Variants in BMP1 observed in about 807,000 individuals in gnomAD.
The protein encoded by BMP1 is mammalian tolloid protein.
BMP1 carries 63 observed loss-of-function variants against 116.8 expected under a neutral mutation model. That is an observed-to-expected ratio of 0.54 (90% CI 0.44 to 0.67). The LOEUF (loss-of-function observed/expected upper bound fraction) is 0.67, where lower values mean the gene tolerates loss of function less well. Ranked by LOEUF, BMP1 falls within the 30% of genes least tolerant of loss-of-function variation. BMP1 has a pLI of 0.00. For missense variants in BMP1, 1,183 were observed against 1,358.9 expected (o/e 0.87, Z 2.04); for synonymous variants, 536 against 533.4 (o/e 1.00, Z -0.07).
chr8:22,177,641 T>C (rs566188711), intron 5 of BMP1: 1 of 761,848 alleles, frequency 1.3e-6, no homozygotes, highest in East Asian at 2.4e-5. Context: ...TTCCCTTGAG[T>C]CCTCCATTCA....
chr8:22,210,847 T>C (rs527287251), intron 19 of BMP1, among the ~76,000 whole-genome samples: 5 of 152,328 alleles, frequency 3.3e-5, no homozygotes, highest in African/African-American at 1.2e-4. Context: ...CAGGCTGAGT[T>C]GACCGGAAGG....
At chr8:22,198,071 A>C (rs1170191328) in intron 15 of BMP1, among the ~76,000 whole-genome samples, 1 of 152,030 alleles carries the variant, frequency 6.6e-6, no homozygotes, top group Non-Finnish European at 1.5e-5. Flanking sequence ...TGTAGTCTCA[A>C]CTACTTAGGA....
intron 13 of BMP1, 193 bp from the exon 14 acceptor site, chr8:22,196,487 C>T: frequency 1.9e-5 from 13 of 699,940 alleles, no homozygotes; most frequent in Middle Eastern, 4.0e-4. Context: ...CTCCTCCCTA[C>T]AGGCCCACCC....
chr8:22,195,018 A>G, intron 12 of BMP1, 99 bp downstream of exon 12: 1 of 1,313,430 alleles, frequency 7.6e-7, no homozygotes, highest in Non-Finnish European at 1.0e-6. Context: ...AGGCATATTG[A>G]TACCAGTGAG....
At chr8:22,207,032 A>T in intron 17 of BMP1, 51 bp downstream of exon 17, 1 of 1,603,918 alleles carries the variant, frequency 6.2e-7, no homozygotes, top group Non-Finnish European at 8.5e-7. Flanking sequence ...CCCCGGTCAG[A>T]GGCACTGCCC....
At chr8:22,196,631 C>G (rs376914284) in intron 13 of BMP1, 49 bp from the exon 14 acceptor site, 2 of 1,611,596 alleles carry the variant, frequency 1.2e-6, no homozygotes, top group Non-Finnish European at 1.7e-6. Context: ...CAGCCCTTCC[C>G]CATGGCAGGG....
chr8:22,207,009 G>A, intron 17 of BMP1, 28 bp downstream of exon 17: 1 of 1,612,734 alleles, frequency 6.2e-7, no homozygotes, highest in Non-Finnish European at 8.5e-7. Flanking sequence ...CACTCCTTAT[G>A]CGGTGTGGCT....
chr8:22,192,520 C>T (rs1380231275), intron 9 of BMP1, among the ~76,000 whole-genome samples: 1 of 152,174 alleles, frequency 6.6e-6, no homozygotes, highest in Non-Finnish European at 1.5e-5. Context: ...TTCAGAGGAT[C>T]CACTATTTTT....
At chr8:22,205,408 C>A (rs1829334270) in intron 16 of BMP1, among the ~76,000 whole-genome samples, 1 of 152,066 alleles carries the variant, frequency 6.6e-6, no homozygotes, top group Admixed American at 6.6e-5. Context: ...GTCAGCCCTG[C>A]AGTCAGTTAA....
chr8:22,201,326 G>T, intron 15 of BMP1: 1 of 1,502,816 alleles, frequency 6.7e-7, no homozygotes, highest in East Asian at 2.3e-5. Context: ...ACCTCCCTCT[G>T]GCCGGACAGA....
chr8:22,195,055 T>G (rs1829042929), intron 12 of BMP1, 136 bp downstream of exon 12: 3 of 967,386 alleles, frequency 3.1e-6, no homozygotes, highest in Non-Finnish European at 4.5e-6. Context: ...CTTAAGGAGC[T>G]CTGGGCTAGC....
At chr8:22,195,403 C>T in intron 12 of BMP1, 59 bp from the exon 13 acceptor site, 1 of 1,553,018 alleles carries the variant, frequency 6.4e-7, no homozygotes, top group Non-Finnish European at 8.7e-7. Context: ...GTGAGGCTCA[C>T]AGCCAGCTTC....
intron 14 of BMP1, 109 bp downstream of exon 14, chr8:22,196,949 C>G: frequency 1.5e-6 from 2 of 1,376,148 alleles, no homozygotes; most frequent in Admixed American, 2.5e-5. Context: ...AAACACTCTG[C>G]AAATATCGAG....
At chr8:22,204,754 T>C (rs1327217455) in intron 16 of BMP1, among the ~76,000 whole-genome samples, 2 of 87,144 alleles carry the variant, frequency 2.3e-5, no homozygotes, top group South Asian at 7.8e-4. Context: ...CAAAAAGAAA[T>C]TGAGTTGGGG....
At chr8:22,175,148 T>A (rs574674506) in intron 2 of BMP1, among the ~76,000 whole-genome samples, 30 of 152,314 alleles carry the variant, frequency 2.0e-4, no homozygotes, top group African/African-American at 7.0e-4. Flanking sequence ...GAAAGCTGCA[T>A]GGAGGGGTCC....
chr8:22,176,074 G>C, intron 2 of BMP1, 69 bp from the exon 3 acceptor site: 1 of 1,512,276 alleles, frequency 6.6e-7, no homozygotes. Flanking sequence ...TGAAAAATGA[G>C]GTTTGACTAT....
At chr8:22,196,956 C>A in intron 14 of BMP1, 116 bp downstream of exon 14, 1 of 1,339,064 alleles carries the variant, frequency 7.5e-7, no homozygotes, top group Non-Finnish European at 1.0e-6. Context: ...CTGCAAATAT[C>A]GAGGAGAGAC....
intron 1 of BMP1, among the ~76,000 whole-genome samples, chr8:22,167,028 G>T (rs1828133880): frequency 6.6e-6 from 1 of 152,172 alleles, no homozygotes; most frequent in South Asian, 2.1e-4. Context: ...CCATAGAGTT[G>T]GTGGTAAGGG....
chr8:22,177,461 AC>A, intron 5 of BMP1: 1 of 688,036 alleles, frequency 1.5e-6, no homozygotes, highest in Non-Finnish European at 2.7e-6. Flanking sequence ...CTTTCTCCCC[AC>A]CTTTGCCCAC....
Sources: allele counts gnomAD v4.1 joint callset (sites outside exome capture counted in the v4.1 genomes callset), GRCh38; gene constraint gnomAD v4.1.1; transcripts MANE v1.5; gene names NCBI Gene and HGNC (gene_info 2026-07-23, HGNC 2026-07-21).